The following ADGRL3 variants were observed in gnomAD, a reference collection of about 807,000 sequenced individuals.
The protein encoded by ADGRL3 is calcium-independent alpha-latrotoxin receptor 3.
Under a neutral mutation model 153.5 loss-of-function variants are expected in ADGRL3, and 62 were observed. The observed-to-expected ratio is 0.40, with a 90% confidence interval of 0.33 to 0.50. The LOEUF is 0.50. Ranked by LOEUF, ADGRL3 falls within the 20% of genes least tolerant of loss-of-function variation. The probability of loss-of-function intolerance (pLI) is 0.47; values close to 1 mark genes in which losing one functional copy is unlikely to be tolerated. For missense variants in ADGRL3, 1,641 were observed against 1,859.4 expected (o/e 0.88, Z 2.16); for synonymous variants, 710 against 672.5 (o/e 1.06, Z -0.86).
intron 8 of ADGRL3, among the ~76,000 whole-genome samples, chr4:61,783,921 A>G (rs1447492874): frequency 1.3e-5 from 2 of 152,120 alleles, no homozygotes; most frequent in African/African-American, 2.4e-5. Context: ...AGGTTAAACT[A>G]TATGAAATTG....
intron 1 of ADGRL3, among the ~76,000 whole-genome samples, chr4:61,268,780 G>A (rs1271895066): frequency 6.6e-6 from 1 of 151,500 alleles, no homozygotes; most frequent in East Asian, 1.9e-4. Flanking sequence ...AATTTCTTGA[G>A]AAACATTGCT....
intron 8 of ADGRL3, among the ~76,000 whole-genome samples, chr4:61,786,814 G>A (rs1020825455): frequency 6.6e-6 from 1 of 151,998 alleles, no homozygotes; most frequent in Non-Finnish European, 1.5e-5. Flanking sequence ...GCTAGGATAG[G>A]CTTATTAATG....
chr4:61,462,294 T>A (rs575275237), intron 2 of ADGRL3, among the ~76,000 whole-genome samples: 1 of 152,324 alleles, frequency 6.6e-6, no homozygotes, highest in South Asian at 2.1e-4. Flanking sequence ...AGATCAAATC[T>A]TGTCTTTTAT....
chr4:61,895,128 C>A (rs1373572738), intron 10 of ADGRL3, among the ~76,000 whole-genome samples: 1 of 152,104 alleles, frequency 6.6e-6, no homozygotes, highest in Non-Finnish European at 1.5e-5. Flanking sequence ...AAGCACTAAC[C>A]TCCATGGAGG....
intron 2 of ADGRL3, among the ~76,000 whole-genome samples, chr4:61,403,046 C>G (rs1424731770): frequency 4.0e-5 from 4 of 99,076 alleles, no homozygotes; most frequent in Non-Finnish European, 9.7e-5. Flanking sequence ...CCCCACCTGG[C>G]CTTTCCTCTT....
At chr4:61,721,267 C>A (rs1211033662) in intron 6 of ADGRL3, among the ~76,000 whole-genome samples, 1 of 152,120 alleles carries the variant, frequency 6.6e-6, no homozygotes, top group Non-Finnish European at 1.5e-5. Context: ...AGCAAGGAAG[C>A]CAGTCTGAGT....
intron 5 of ADGRL3, among the ~76,000 whole-genome samples, chr4:61,597,007 C>T (rs1005091452): frequency 3.3e-5 from 5 of 150,806 alleles, no homozygotes; most frequent in Admixed American, 2.0e-4. Context: ...ATTATGATTT[C>T]CAAATGGTAA....
intron 1 of ADGRL3, among the ~76,000 whole-genome samples, chr4:61,275,392 G>A (rs1461896180): frequency 1.3e-5 from 2 of 152,108 alleles, no homozygotes; most frequent in African/African-American, 4.8e-5. Context: ...ATCTCCTAGA[G>A]CATCTGCCTA....
chr4:61,496,914 C>T (rs2098325851), intron 2 of ADGRL3, among the ~76,000 whole-genome samples: 1 of 149,388 alleles, frequency 6.7e-6, no homozygotes. Context: ...GCACTCCAGC[C>T]GGGGCGACAG....
intron 9 of ADGRL3, among the ~76,000 whole-genome samples, chr4:61,822,796 A>G (rs1249135500): frequency 6.6e-6 from 1 of 152,178 alleles, no homozygotes; most frequent in East Asian, 1.9e-4. Context: ...GAAGGGAAAA[A>G]GAATTTGTTC....
intron 6 of ADGRL3, among the ~76,000 whole-genome samples, chr4:61,687,331 T>A (rs1339491509): frequency 1.3e-5 from 2 of 151,892 alleles, no homozygotes; most frequent in African/African-American, 4.8e-5. Flanking sequence ...TCTGAGTAGT[T>A]CCAATCTAAT....
intron 1 of ADGRL3, among the ~76,000 whole-genome samples, chr4:61,349,303 A>G (rs1441239583): frequency 6.6e-6 from 1 of 152,102 alleles, no homozygotes; most frequent in Non-Finnish European, 1.5e-5. Context: ...TTCAACATTT[A>G]AAAAGTGTTC....
At chr4:61,423,989 A>C (rs372450703) in intron 2 of ADGRL3, among the ~76,000 whole-genome samples, 8 of 152,228 alleles carry the variant, frequency 5.3e-5, no homozygotes, top group African/African-American at 1.9e-4. Context: ...TTAGAAGGAA[A>C]CCTACAAAAA....
At chr4:61,687,954 T>C (rs1306603841) in intron 6 of ADGRL3, among the ~76,000 whole-genome samples, 3 of 152,040 alleles carry the variant, frequency 2.0e-5, no homozygotes, top group Non-Finnish European at 4.4e-5. Flanking sequence ...TTCTATGAAG[T>C]CCAAATGCCC....
At chr4:61,291,656 GAGAA>G (rs2094219089) in intron 1 of ADGRL3, among the ~76,000 whole-genome samples, 1 of 110,110 alleles carries the variant, frequency 9.1e-6, no homozygotes, top group Non-Finnish European at 2.0e-5. Context: ...CATGTATAGA[GAGAA>G]AGAGTGAGAG....
At chr4:61,228,806 C>T (rs897654127) in intron 1 of ADGRL3, among the ~76,000 whole-genome samples, 69 of 152,250 alleles carry the variant, frequency 4.5e-4, no homozygotes, top group Admixed American at 4.1e-3. Context: ...GATTCTCCTG[C>T]CTCAACCTCC....
chr4:61,945,632 C>T (rs2098917873), intron 15 of ADGRL3, among the ~76,000 whole-genome samples: 1 of 138,192 alleles, frequency 7.2e-6, no homozygotes, highest in Non-Finnish European at 1.6e-5. Context: ...GGGATATAGT[C>T]TCGTGGTGCG....
chr4:61,401,076 T>TA lies in ADGRL3; in HGVS notation c.-174+17895dup, dbSNP rs796155996. On this transcript the variant is annotated intron_variant, in intron 2 of 26. Transcript: ENST00000683033. ...GTGGAAGGAAGATTCTTTTTTTTTTTAAAAAAAAGATTTTTTGAAAATGCA... is the reference window on the plus strand; with the variant it reads ...GTGGAAGGAAGATTCTTTTTTTTTTTAAAAAAAAAGATTTTTTGAAAATGCA... Among the ~76,000 whole-genome samples, 187 of 138,500 alleles carry TA rather than the reference T, an allele frequency of 1.4e-3. 1 individual carries two copies. The highest frequency in any genetic ancestry group is 3.8e-3 in the Middle Eastern group (1 of 264). The allele number at this position is 138,500 out of a possible 152,430, so 90.9% of individuals were successfully genotyped here.
At chr4:61,846,946 T>TTGTGTGTGTGTGTGTGTGTG (rs1561348861) in intron 9 of ADGRL3, among the ~76,000 whole-genome samples, 2 of 123,834 alleles carry the variant, frequency 1.6e-5, no homozygotes, top group East Asian at 2.5e-4. Context: ...ATTTTATATA[T>TTGTGTGTGTGTGTGTGTGTG]TATGTGTGTG....
Sources: allele counts gnomAD v4.1 joint callset (sites outside exome capture counted in the v4.1 genomes callset), GRCh38; gene constraint gnomAD v4.1.1; transcripts MANE v1.5; gene names NCBI Gene and HGNC (gene_info 2026-07-23, HGNC 2026-07-21).